The following PIBF1 variants were observed in gnomAD, a reference collection of about 807,000 sequenced individuals.
PIBF1 encodes the protein progesterone-induced-blocking factor 1.
In PIBF1, 90 loss-of-function variants were observed where a neutral mutation model predicts 112.5. The ratio of observed to expected loss-of-function variants is 0.80; its 90% CI spans 0.67 to 0.95. The LOEUF (loss-of-function observed/expected upper bound fraction) is 0.95, where lower values mean the gene tolerates loss of function less well. PIBF1 is among the 40% of genes least tolerant of loss of function. The pLI, the probability that PIBF1 is intolerant of heterozygous loss-of-function variation, is 0.00. For missense variants in PIBF1, 915 were observed against 852.3 expected, an observed-to-expected ratio of 1.07 and a Z score of -0.92; for synonymous variants, 301 against 288.6, an observed-to-expected ratio of 1.04 and a Z score of -0.44.
At chr13:72,997,097 T>C (rs2043702013) in intron 16 of PIBF1, among the ~76,000 whole-genome samples, 1 of 152,170 alleles carries the variant, frequency 6.6e-6, no homozygotes, top group African/African-American at 2.4e-5. Flanking sequence ...AACCCCCCTT[T>C]ACCTTATTTA....
intron 10 of PIBF1, among the ~76,000 whole-genome samples, chr13:72,857,202 AG>A (rs2038461617): frequency 6.6e-6 from 1 of 152,210 alleles, no homozygotes; most frequent in South Asian, 2.1e-4. Flanking sequence ...TAAGGGGAAA[AG>A]AAAATTGAGA....
chr13:72,934,591 C>T (rs1176616023), intron 14 of PIBF1, among the ~76,000 whole-genome samples: 2 of 152,104 alleles, frequency 1.3e-5, no homozygotes, highest in Non-Finnish European at 2.9e-5. Context: ...AGATGAAATA[C>T]TGATAACTAA....
chr13:72,989,468 A>G (rs1183053936), intron 16 of PIBF1, among the ~76,000 whole-genome samples: 1 of 152,218 alleles, frequency 6.6e-6, no homozygotes, highest in Non-Finnish European at 1.5e-5. Context: ...AAGTGAAAGA[A>G]GCCAGTCACA....
At chr13:72,882,565 A>G (rs2138505594) in intron 10 of PIBF1, among the ~76,000 whole-genome samples, 1 of 152,336 alleles carries the variant, frequency 6.6e-6, no homozygotes, top group East Asian at 1.9e-4. Context: ...ACCAGAATAT[A>G]TAAAGAGTTC....
Position 72,811,595 on chromosome 13 carries a change from C to CA in PIBF1, c.673-10240dup, listed in dbSNP as rs770232789. Among the ~76,000 whole-genome samples the CA allele has an allele frequency of 1.6e-3, 66 of 40,066 alleles. No homozygotes were observed. In the East Asian group the frequency reaches 0.023, roughly 14 times the overall value. 26.3% of individuals were successfully genotyped at this position (40,066 alleles called of 152,430 possible). A position where few individuals can be genotyped will look rare whatever the true frequency, so the allele number is the denominator to read the frequency against. On this transcript the variant is annotated intron_variant, in intron 5 of 17. Transcript: ENST00000326291. ...TGGGTGACAGAACAAAACTCCGTCT[C>CA]AAAAAAAAAAAAAAGAGAGAGAAAT...
intron 6 of PIBF1, among the ~76,000 whole-genome samples, chr13:72,825,073 G>T (rs1223669164): frequency 6.6e-6 from 1 of 151,996 alleles, no homozygotes; most frequent in Non-Finnish European, 1.5e-5. Flanking sequence ...AATCTTCAAG[G>T]TTAAAGGAGA....
At chr13:72,800,211 T>A (rs141233727) in intron 5 of PIBF1, among the ~76,000 whole-genome samples, 3 of 152,282 alleles carry the variant, frequency 2.0e-5, no homozygotes, top group Admixed American at 6.5e-5. Context: ...AATTTATGTA[T>A]TTTTAGTAGA....
intron 3 of PIBF1, among the ~76,000 whole-genome samples, chr13:72,794,164 C>G (rs1198826937): frequency 6.6e-6 from 1 of 152,190 alleles, no homozygotes; most frequent in African/African-American, 2.4e-5. Flanking sequence ...TGACTTGTGT[C>G]AAGCTCTATC....
At chr13:72,870,589 A>C (rs781130780) in intron 10 of PIBF1, among the ~76,000 whole-genome samples, 2 of 152,190 alleles carry the variant, frequency 1.3e-5, no homozygotes, top group African/African-American at 4.8e-5. Context: ...AATTAAAACA[A>C]TTTCAGTTTT....
Position 72,825,471 on chromosome 13 carries a change from G to T in PIBF1, c.807-1539G>T, listed in dbSNP as rs113311282. Among the ~76,000 whole-genome samples the T allele has an allele frequency of 6.4e-3, 978 of 152,236 alleles. 19 individuals carry two copies. Among genetic ancestry groups the T allele is most frequent in the African/African-American group, 0.022 (915 of 41,526 alleles). On this transcript the variant is annotated intron_variant, in intron 6 of 17. Transcript: ENST00000326291. ...CCAACATGGGGTCCACTTATATTCAGGTTTTTATCAACCTAACACCAATCG... is the reference window on the plus strand; with the variant it reads ...CCAACATGGGGTCCACTTATATTCATGTTTTTATCAACCTAACACCAATCG...
intron 14 of PIBF1, among the ~76,000 whole-genome samples, chr13:72,963,172 T>C (rs1453116575): frequency 6.6e-6 from 1 of 152,164 alleles, no homozygotes; most frequent in Non-Finnish European, 1.5e-5. Context: ...GCATTAAAGG[T>C]ATAAAATGCA....
rs778893360 is a variant in PIBF1, at chr13:72,821,962, G to A, written c.786G>A (p.Glu262=). The A allele has an allele frequency of 5.6e-6, 9 of 1,611,704 alleles. No homozygotes were observed. Among genetic ancestry groups the A allele is most frequent in the Admixed American group, 5.0e-5 (3 of 59,622 alleles). ...TTCAGCAAGGTGACTACCGTCAAGA[G>A]AACTATGATAAAGTCAAGAGGTAAG... The part of the protein sequence containing the change: ...QLIQQGDYRQ[E]NYDKVKSERD... The change falls in exon 6 of 18, where the codon GAG becomes GAA. Residue 262 remains glutamate, a synonymous_variant. Transcript: ENST00000326291.
At chr13:72,837,062 A>G (rs577496473) in intron 9 of PIBF1, among the ~76,000 whole-genome samples, 50 of 152,182 alleles carry the variant, frequency 3.3e-4, no homozygotes, top group Middle Eastern at 3.4e-3. Flanking sequence ...TATATTTTCA[A>G]TGAAAATGGC....
chr13:72,818,724 C>G (rs1344762255), intron 5 of PIBF1, among the ~76,000 whole-genome samples: 1 of 116,382 alleles, frequency 8.6e-6, no homozygotes, highest in Non-Finnish European at 1.7e-5. Flanking sequence ...AATTCCTCTC[C>G]CAGCTTTCTT....
intron 14 of PIBF1, among the ~76,000 whole-genome samples, chr13:72,933,398 A>G (rs989169309): frequency 4.6e-5 from 7 of 152,270 alleles, no homozygotes; most frequent in African/African-American, 1.7e-4. Context: ...GCACTGGCTC[A>G]TGCCTGTAAT....
chr13:72,918,784 A>G (rs1188068200), intron 13 of PIBF1, among the ~76,000 whole-genome samples: 9 of 150,396 alleles, frequency 6.0e-5, no homozygotes, highest in African/African-American at 2.0e-4. Flanking sequence ...GCTCACTGCA[A>G]CCTCCACCTC....
Position 72,826,055 on chromosome 13 carries a change from A to T in PIBF1, c.807-955A>T, listed in dbSNP as rs1014310815. Among the ~76,000 whole-genome samples, 1,267 of 151,530 alleles carry T rather than the reference A, an allele frequency of 8.4e-3. 63 individuals are homozygous for T. The highest frequency in any genetic ancestry group is 9.3e-3 in the East Asian group (48 of 5,180). ...CCCCATCTCATAAAAAAAAAAAAAA[A>T]TTTAAAAAAAAGATTTTTTAAAAAA... is the stretch of plus-strand genomic sequence containing the variant. On this transcript the variant is annotated intron_variant, in intron 6 of 17. Coordinates refer to ENST00000326291, the MANE Select transcript of PIBF1 (RefSeq NM_006346.4).
At chr13:72,921,622 C>CA (rs2041295640) in intron 13 of PIBF1, among the ~76,000 whole-genome samples, 1 of 151,876 alleles carries the variant, frequency 6.6e-6, no homozygotes, top group Non-Finnish European at 1.5e-5. Context: ...AATGGTTATC[C>CA]AAAACGTTAA....
intron 13 of PIBF1, among the ~76,000 whole-genome samples, chr13:72,918,785 C>G (rs1237184907): frequency 6.6e-6 from 1 of 151,686 alleles, no homozygotes; most frequent in Non-Finnish European, 1.5e-5. Context: ...CTCACTGCAA[C>G]CTCCACCTCC....
Sources: allele counts gnomAD v4.1 joint callset (sites outside exome capture counted in the v4.1 genomes callset), GRCh38; gene constraint gnomAD v4.1.1; transcripts MANE v1.5; gene names NCBI Gene and HGNC (gene_info 2026-07-23, HGNC 2026-07-21).